The following GPHN variants were observed in gnomAD, a reference collection of about 807,000 sequenced individuals.
GPHN encodes the protein gephyrin.
A neutral mutation model predicts 95.5 loss-of-function variants in GPHN; 17 were observed. That is an observed-to-expected ratio of 0.18 (90% CI 0.12 to 0.27). GPHN has a LOEUF of 0.27. Among genes scored for constraint, GPHN ranks in the 10% least tolerant of loss-of-function variants. GPHN has a pLI of 1.00. For synonymous variants in GPHN, 320 were observed against 322.5 expected, an observed-to-expected ratio of 0.99 and a Z score of 0.08; for missense variants, 660 against 978.1, an observed-to-expected ratio of 0.67 and a Z score of 4.34.
the GPHN span, among the ~76,000 whole-genome samples, chr14:67,229,924 C>T: frequency 6.6e-6 from 1 of 152,156 alleles, no homozygotes; most frequent in African/African-American, 2.4e-5. Context: ...CCTCCTCTCC[C>T]TGCTGTTCCA....
chr14:66,514,179 TTAAGA>T (rs2058149465), intron 1 of GPHN, among the ~76,000 whole-genome samples: 1 of 152,088 alleles, frequency 6.6e-6, no homozygotes, highest in South Asian at 2.1e-4. Context: ...AACTTTAATA[TTAAGA>T]TAAGCATAAG....
At chr14:67,595,890 T>C in the GPHN span, among the ~76,000 whole-genome samples, 1 of 152,306 alleles carries the variant, frequency 6.6e-6, no homozygotes, top group East Asian at 1.9e-4. Context: ...GGAGCCCTCC[T>C]ACCTTATGAC....
intron 1 of GPHN, among the ~76,000 whole-genome samples, chr14:66,630,612 C>T (rs1199008107): frequency 1.3e-5 from 2 of 152,020 alleles, no homozygotes; most frequent in African/African-American, 2.4e-5. Flanking sequence ...GCTGGGACTA[C>T]AGGTGCCCAT....
the GPHN span, among the ~76,000 whole-genome samples, chr14:67,463,323 G>A: frequency 1.3e-5 from 2 of 151,918 alleles, no homozygotes; most frequent in East Asian, 1.9e-4. Context: ...TTAATAATGT[G>A]GATGTCTAAT....
the GPHN span, chr14:67,659,644 A>C: frequency 2.2e-6 from 3 of 1,346,992 alleles, no homozygotes; most frequent in Non-Finnish European, 3.0e-6. Flanking sequence ...ATACACTGAT[A>C]ACATGAAATA....
At chr14:67,496,391 G>GTTGTT in the GPHN span, among the ~76,000 whole-genome samples, 1 of 30,106 alleles carries the variant, frequency 3.3e-5, no homozygotes, top group East Asian at 1.2e-3. Flanking sequence ...CTGCTCCGGC[G>GTTGTT]TTTTTTTTTT....
the GPHN span, chr14:67,569,614 G>T: frequency 4.3e-6 from 2 of 469,964 alleles, no homozygotes; most frequent in Admixed American, 3.4e-5. Flanking sequence ...GGGCTGTGGG[G>T]TGGTCCCATA....
chr14:67,150,453 C>CAAAAAAAAAAA (rs1164806975), intron 18 of GPHN, among the ~76,000 whole-genome samples: 36 of 98,044 alleles, frequency 3.7e-4, no homozygotes, highest in African/African-American at 7.4e-4. Context: ...AAAAAAAAAA[C>CAAAAAAAAAAA]AAAAAAAAAA....
At chr14:67,621,506 A>G in the GPHN span, among the ~76,000 whole-genome samples, 4 of 150,152 alleles carry the variant, frequency 2.7e-5, no homozygotes, top group Non-Finnish European at 5.9e-5. Flanking sequence ...CCCAGGCTGG[A>G]GTGCAGTGAT....
chr14:67,670,124 G>T, the GPHN span, among the ~76,000 whole-genome samples: 1 of 152,130 alleles, frequency 6.6e-6, no homozygotes, highest in East Asian at 1.9e-4. Flanking sequence ...CGTTAGCAAG[G>T]TGACTGCCCA....
chr14:67,733,273 C>G, the GPHN span, among the ~76,000 whole-genome samples: 3 of 152,244 alleles, frequency 2.0e-5, no homozygotes, highest in South Asian at 6.2e-4. Context: ...GCATCTGTCC[C>G]CAGAATTCAA....
At chr14:67,009,516 CA>C (rs1405921559) in intron 9 of GPHN, among the ~76,000 whole-genome samples, 1 of 151,978 alleles carries the variant, frequency 6.6e-6, no homozygotes, top group African/African-American at 2.4e-5. Flanking sequence ...TCTAGGGTTA[CA>C]GACTTGTGAA....
the GPHN span, among the ~76,000 whole-genome samples, chr14:67,541,496 T>C: frequency 1.3e-5 from 2 of 152,264 alleles, no homozygotes; most frequent in African/African-American, 4.8e-5. Flanking sequence ...TATAAGTAGC[T>C]GTTTAATGGA....
chr14:67,334,856 T>G, the GPHN span: 1 of 152,238 alleles, frequency 6.6e-6, no homozygotes, highest in East Asian at 1.9e-4. Context: ...AGGAATGAAG[T>G]GTAGTCTATG....
chr14:67,385,360 G>T, the GPHN span: 4 of 151,304 alleles, frequency 2.6e-5, no homozygotes, highest in African/African-American at 4.9e-5. Flanking sequence ...AGGGGCCAAG[G>T]CAGGAGGATC....
At chr14:66,564,672 C>G (rs1002979755) in intron 1 of GPHN, among the ~76,000 whole-genome samples, 1 of 152,116 alleles carries the variant, frequency 6.6e-6, no homozygotes, top group African/African-American at 2.4e-5. Flanking sequence ...ATTTCTGCAT[C>G]CTTTCTTTTC....
At chr14:67,042,961 G>A (rs1023696838) in intron 10 of GPHN, among the ~76,000 whole-genome samples, 12 of 152,090 alleles carry the variant, frequency 7.9e-5, no homozygotes, top group South Asian at 6.2e-4. Context: ...CTTGTAAGTC[G>A]TATTCCTAGG....
chr14:67,133,309 A>T (rs2079842993), intron 17 of GPHN, among the ~76,000 whole-genome samples: 1 of 152,130 alleles, frequency 6.6e-6, no homozygotes, highest in South Asian at 2.1e-4. Context: ...TGCAGCTTGC[A>T]GTTGGTGTAA....
At chr14:67,673,303 C>CACTT in the GPHN span, among the ~76,000 whole-genome samples, 47 of 152,122 alleles carry the variant, frequency 3.1e-4, 1 homozygote, top group African/African-American at 1.1e-3. Flanking sequence ...GAGATCGTGC[C>CACTT]ACTGCACTCC....
Sources: gnomAD v4.1 joint callset for allele counts (sites outside exome capture counted in the v4.1 genomes callset) on GRCh38, gnomAD v4.1.1 for gene constraint, MANE v1.5 for transcripts, NCBI Gene and HGNC (gene_info 2026-07-23, HGNC 2026-07-21) for gene names.